The following CETP variants were observed in gnomAD, a reference collection of about 807,000 sequenced individuals.
The protein encoded by CETP is cholesteryl ester transfer protein, also known as BPI fold containing family F.
A neutral mutation model predicts 66.5 loss-of-function variants in CETP; 56 were observed. That is an observed-to-expected ratio of 0.84 (90% CI 0.68 to 1.05). The LOEUF (loss-of-function observed/expected upper bound fraction) is 1.05. Among genes scored for constraint, CETP ranks in the 50% least tolerant of loss-of-function variants. The probability of loss-of-function intolerance (pLI) is 0.00; values close to 1 mark genes in which losing one functional copy is unlikely to be tolerated. For synonymous variants in CETP, 251 were observed against 245.7 expected, an observed-to-expected ratio of 1.02 and a Z score of -0.20; for missense variants, 612 against 609.6, an observed-to-expected ratio of 1.00 and a Z score of -0.04.
chr16:56,983,572 C>A lies in CETP; in HGVS notation c.1408-20C>A. ...GAGTCAGCCCAGCTCGCCCCTCTCT[C>A]CTACTGCCCCTCCCTTCAGGGCTTC... On this transcript the variant is annotated intron_variant, in intron 15 of 15. Transcript: ENST00000200676. The A allele has an allele frequency of 6.2e-7, 1 of 1,614,064 alleles. No individual in the cohort carries two copies. Among genetic ancestry groups the A allele is most frequent in the South Asian group, 1.1e-5 (1 of 91,066 alleles).
intron 10 of CETP, among the ~76,000 whole-genome samples, chr16:56,977,335 G>A (rs1203696860): frequency 6.6e-6 from 1 of 152,136 alleles, no homozygotes; most frequent in Non-Finnish European, 1.5e-5. Flanking sequence ...TGTAATCGAA[G>A]GTCCTCAGGC....
Position 56,982,227 on chromosome 16 carries a change from G to A in CETP, c.1311G>A (p.Glu437=). The A allele has an allele frequency of 6.2e-7, 1 of 1,614,120 alleles. No homozygotes were observed. Among genetic ancestry groups the A allele is most frequent in the East Asian group, 2.2e-5 (1 of 44,884 alleles). ...TGATCACCGCTGTGGGCATCCCTGA[G>A]GTCATGTCTCGTAAGTGTGGGCTGG... ...QSMITAVGIP[E]VMSRLEVVFT... is the part of the protein sequence containing the mutation. The change falls in exon 14 of 16, where the codon GAG becomes GAA. Residue 437 remains glutamate, a synonymous_variant. Transcript: ENST00000200676.
intron 2 of CETP, among the ~76,000 whole-genome samples, chr16:56,963,621 A>G (rs1033070329): frequency 1.4e-4 from 21 of 152,122 alleles, no homozygotes; most frequent in Admixed American, 6.6e-5. Context: ...GTTGTGGGCC[A>G]GGTGCTTTTA....
At chr16:56,983,470 T>C in intron 15 of CETP, 59 bp downstream of exon 15, 1 of 1,601,116 alleles carries the variant, frequency 6.2e-7, no homozygotes, top group Admixed American at 1.7e-5. Flanking sequence ...CCAGACAGGA[T>C]TCCTGGGGTG....
chr16:56,974,887 G>A (rs2056138512), intron 9 of CETP, among the ~76,000 whole-genome samples: 2 of 152,218 alleles, frequency 1.3e-5, no homozygotes. Flanking sequence ...CAGCATGTGT[G>A]GGGCACAGTG....
At position 56,975,283 on chromosome 16, in the gene CETP, T is replaced by G. The variant is rs2303789; in HGVS notation, c.981+132T>G. ...AACAGCGAACACAGCTCCTACTCGG[T>G]TGTTCGGCATGGAGTGAAGCACTTA... On this transcript the variant is annotated intron_variant, in intron 10 of 15. Transcript: ENST00000200676. 0.022 allele frequency: 17,291 copies of G among 783,678 alleles called. 769 individuals are homozygous for G. Among genetic ancestry groups the G allele is most frequent in the East Asian group, 0.12 (4,682 of 37,708 alleles). 48.5% of individuals were successfully genotyped at this position (783,678 alleles called of 1,614,324 possible). A position where few individuals can be genotyped will look rare whatever the true frequency, so the allele number is the denominator to read the frequency against.
At chr16:56,967,900 AGTGAACT>A (rs141209123) in intron 2 of CETP, among the ~76,000 whole-genome samples, 3,289 of 151,988 alleles carry the variant, frequency 0.022, 135 homozygotes, top group African/African-American at 0.075. Context: ...TCGAGGCTGC[AGTGAACT>A]GTGATTACAC....
intron 10 of CETP, 110 bp downstream of exon 10, chr16:56,975,261 A>G (rs2056141641): frequency 1.1e-6 from 1 of 898,418 alleles, no homozygotes; most frequent in Non-Finnish European, 1.8e-6. Context: ...CAATTATAAC[A>G]GCGAACACAG....
intron 11 of CETP, among the ~76,000 whole-genome samples, chr16:56,979,866 T>C (rs1312160513): frequency 3.3e-5 from 5 of 152,150 alleles, no homozygotes; most frequent in African/African-American, 1.2e-4. Flanking sequence ...TTGTGGAAAA[T>C]ATAGAAAAAT....
chr16:56,978,692 T>C (rs1344126400), intron 11 of CETP, among the ~76,000 whole-genome samples: 8 of 152,154 alleles, frequency 5.3e-5, no homozygotes, highest in African/African-American at 1.9e-4. Context: ...TGTTATGTTG[T>C]CCAGGCTGTT....
rs1204426740 is a variant in CETP at position 56,961,975 on chromosome 16, T to A, written c.-5T>A. ...GGGCCACTTACACACCACTGCCTGA[T>A]AACCATGCTGGCTGCCACAGTCCTG... On this transcript the variant is annotated 5_prime_UTR_variant, in exon 1 of 16. Coordinates refer to ENST00000200676, the MANE Select transcript of CETP (RefSeq NM_000078.3). 6.2e-7 allele frequency: 1 copy of A among 1,613,266 alleles called. No individual in the cohort carries two copies. The highest frequency in any genetic ancestry group is 8.5e-7 in the Non-Finnish European group (1 of 1,179,324).
intron 8 of CETP, among the ~76,000 whole-genome samples, 179 bp from the exon 9 acceptor site, chr16:56,973,152 T>G (rs1236262144): frequency 6.6e-6 from 1 of 152,180 alleles, no homozygotes; most frequent in Non-Finnish European, 1.5e-5. Context: ...TAGTGGGCAC[T>G]CCGGAAGTAT....
chr16:56,973,820 T>C (rs1008471002), intron 9 of CETP, among the ~76,000 whole-genome samples: 10 of 152,162 alleles, frequency 6.6e-5, no homozygotes, highest in Non-Finnish European at 1.2e-4. Flanking sequence ...GCTCTCCGAG[T>C]GAGCAATTCC....
Position 56,983,739 on chromosome 16 carries a change from T to TCTCC in CETP, c.*74_*77dup. 1 of 1,401,716 alleles carries TCTCC rather than the reference T, an allele frequency of 7.1e-7. No individual in the cohort carries two copies. The highest frequency in any genetic ancestry group is 1.0e-6 in the Non-Finnish European group (1 of 986,762). 86.8% of individuals were successfully genotyped at this position (1,401,716 alleles called of 1,614,324 possible). ...CAGGCTCACAGCTGGAACCCTGGTGTCTCCTCCAGCGTGGTGGAAGTTGGG... is the reference window on the plus strand; with the variant it reads ...CAGGCTCACAGCTGGAACCCTGGTGTCTCCCTCCTCCAGCGTGGTGGAAGTTGGG... On this transcript the variant is annotated 3_prime_UTR_variant, in exon 16 of 16. Transcript: ENST00000200676.
intron 8 of CETP, 97 bp downstream of exon 8, chr16:56,972,180 T>C (rs773035518): frequency 4.4e-6 from 4 of 905,012 alleles, no homozygotes; most frequent in East Asian, 2.5e-5. Flanking sequence ...TTCAACCTTA[T>C]GGCAGCCAAG....
At chr16:56,981,329 T>A in intron 12 of CETP, 104 bp downstream of exon 12, 1 of 975,736 alleles carries the variant, frequency 1.0e-6, no homozygotes, top group Non-Finnish European at 1.7e-6. Context: ...ATGTGGCCCC[T>A]TTCTTCTGGG....
chr16:56,969,996 G>A lies in CETP; in HGVS notation c.522G>A (p.Glu174=), dbSNP rs765506619. Residue 174 remains glutamate (E), a synonymous_variant, in exon 5 of 16, where the codon GAG becomes GAA. Coordinates refer to ENST00000200676, the MANE Select transcript of CETP (RefSeq NM_000078.3). ...FHKLLLHLQG[E]REPGWIKQLF... is the part of the protein sequence containing the mutation. Reference sequence around the variant, plus strand: ...AGCTGCTCCTGCATCTCCAAGGGGAGCGAGAGTAAGTACACCACCCTGTGG... The same window carrying A: ...AGCTGCTCCTGCATCTCCAAGGGGAACGAGAGTAAGTACACCACCCTGTGG... 7 of 1,613,546 alleles carry A rather than the reference G, an allele frequency of 4.3e-6. No individual in the cohort carries two copies. In the Admixed American group the frequency reaches 1.0e-4, roughly 23 times the overall value.
At chr16:56,983,262 G>A in intron 14 of CETP, 64 bp from the exon 15 acceptor site, 2 of 1,367,778 alleles carry the variant, frequency 1.5e-6, no homozygotes, top group South Asian at 2.3e-5. Context: ...ACCCAGGGTG[G>A]CAGAGCCTCG....
At chr16:56,962,179 C>A in intron 1 of CETP, 82 bp downstream of exon 1, 1 of 1,231,004 alleles carries the variant, frequency 8.1e-7, no homozygotes. Flanking sequence ...TGGCCTGAAG[C>A]CAGCCCTGAA....
Sources: gnomAD v4.1 joint callset for allele counts (sites outside exome capture counted in the v4.1 genomes callset) on GRCh38, gnomAD v4.1.1 for gene constraint, MANE v1.5 for transcripts, NCBI Gene and HGNC (gene_info 2026-07-23, HGNC 2026-07-21) for gene names.